The following NOS1AP variants were observed in gnomAD, a reference collection of about 807,000 sequenced individuals.
The protein encoded by NOS1AP is carboxyl-terminal PDZ ligand of neuronal nitric oxide synthase protein.
Under a neutral mutation model 56.2 loss-of-function variants are expected in NOS1AP, and 21 were observed. That is an observed-to-expected ratio of 0.37 (90% CI 0.26 to 0.54). NOS1AP has a LOEUF of 0.54. NOS1AP is among the 20% of genes least tolerant of loss of function. The pLI is 0.84. For missense variants in NOS1AP, 522 were observed against 657.8 expected, an observed-to-expected ratio of 0.79 and a Z score of 2.26; for synonymous variants, 270 against 274.6, an observed-to-expected ratio of 0.98 and a Z score of 0.17.
At chr1:162,092,464 T>C (rs1692157039) in intron 1 of NOS1AP, among the ~76,000 whole-genome samples, 1 of 152,192 alleles carries the variant, frequency 6.6e-6, no homozygotes, top group Non-Finnish European at 1.5e-5. Flanking sequence ...ATTGTTGACA[T>C]TTCCAAGAAA....
intron 3 of NOS1AP, among the ~76,000 whole-genome samples, chr1:162,292,486 G>A (rs1204810862): frequency 3.3e-5 from 5 of 152,192 alleles, no homozygotes; most frequent in African/African-American, 1.2e-4. Context: ...TGTCCTATTA[G>A]GTAGATACCA....
intron 2 of NOS1AP, among the ~76,000 whole-genome samples, chr1:162,286,288 G>A (rs973995438): frequency 9.2e-5 from 14 of 152,222 alleles, no homozygotes; most frequent in African/African-American, 3.4e-4. Flanking sequence ...CCAGGCTTGA[G>A]TGGCAACATG....
At chr1:162,247,723 A>G (rs970023868) in intron 2 of NOS1AP, among the ~76,000 whole-genome samples, 1 of 152,048 alleles carries the variant, frequency 6.6e-6, no homozygotes, top group African/African-American at 2.4e-5. Context: ...TTCCATACCT[A>G]CTGTGCCAGA....
At position 162,302,059 on chromosome 1, in the gene NOS1AP, A is replaced by T. The variant is rs532524520; in HGVS notation, c.344+1353A>T. On this transcript the variant is annotated intron_variant, in intron 4 of 9. Transcript: ENST00000361897. ...CTAGTGGGAAATGGACAAGTTACTG[A>T]GGTATAAGATAGTATGTCTGACAGA... 1.1e-4 allele frequency among the ~76,000 whole-genome samples: 16 copies of T among 152,340 alleles called. No homozygotes were observed. The South Asian group carries it at 3.3e-3, about 32-fold the overall frequency.
At chr1:162,144,869 A>G (rs751437129) in intron 1 of NOS1AP, among the ~76,000 whole-genome samples, 9 of 152,222 alleles carry the variant, frequency 5.9e-5, no homozygotes, top group Non-Finnish European at 8.8e-5. Context: ...GCTTTTGCTA[A>G]TGGAGACTAA....
chr1:162,186,498 C>T lies in NOS1AP; in HGVS notation c.177+32022C>T, dbSNP rs529436650. On this transcript the variant is annotated intron_variant, in intron 2 of 9. Transcript: ENST00000361897. ...TAAGTATTTTGGTACACATCTTCTT[C>T]GGGTGGACTGAGTGTGTCTCCCCCA... 4.6e-5 allele frequency among the ~76,000 whole-genome samples: 7 copies of T among 152,280 alleles called. No individual in the cohort carries two copies. In the East Asian group the frequency reaches 7.7e-4, roughly 17 times the overall value.
At chr1:162,332,653 T>C (rs1353891921) in intron 4 of NOS1AP, among the ~76,000 whole-genome samples, 1 of 152,204 alleles carries the variant, frequency 6.6e-6, no homozygotes, top group Non-Finnish European at 1.5e-5. Context: ...TCAGAAAACG[T>C]GTATGCATCT....
intron 2 of NOS1AP, among the ~76,000 whole-genome samples, chr1:162,168,593 G>A (rs1048221718): frequency 7.2e-5 from 11 of 151,970 alleles, no homozygotes; most frequent in East Asian, 3.9e-4. Context: ...AAATCCACGC[G>A]CAATTGATGC....
intron 1 of NOS1AP, among the ~76,000 whole-genome samples, chr1:162,094,064 C>T (rs1311484216): frequency 1.3e-5 from 2 of 152,190 alleles, no homozygotes; most frequent in African/African-American, 4.8e-5. Context: ...CTTTCCTAGC[C>T]TTTCTTGAAA....
chr1:162,191,813 A>C (rs1015137602), intron 2 of NOS1AP, among the ~76,000 whole-genome samples: 1 of 152,182 alleles, frequency 6.6e-6, no homozygotes, highest in African/African-American at 2.4e-5. Context: ...TAATAATGTC[A>C]TTGAAATCAC....
rs540445888 is a variant in NOS1AP, at chr1:162,180,729, C to T, written c.177+26253C>T. On this transcript the variant is annotated intron_variant, in intron 2 of 9. Transcript: ENST00000361897. ...GGGAACTCAGTTCTGCCAACGACAA[C>T]GTGAGCTTGGGAGATGACCCATGAG... 1.4e-4 allele frequency among the ~76,000 whole-genome samples: 21 copies of T among 152,226 alleles called. 3 individuals are homozygous for T. Among genetic ancestry groups the T allele is most frequent in the African/African-American group, 4.8e-4 (20 of 41,540 alleles).
chr1:162,096,386 A>G (rs75297987), intron 1 of NOS1AP, among the ~76,000 whole-genome samples: 2,303 of 152,334 alleles, frequency 0.015, 27 homozygotes, highest in Non-Finnish European at 0.023. Context: ...TTGAACCACC[A>G]TCAGGCCTCT....
In NOS1AP at chr1:162,367,366, G is replaced by C; in HGVS notation, c.1420G>C (p.Glu474Gln). 1 of 1,611,372 alleles carries C rather than the reference G, an allele frequency of 6.2e-7. No homozygotes were observed. Among genetic ancestry groups the C allele is most frequent in the Non-Finnish European group, 8.5e-7 (1 of 1,178,990 alleles). Residue 474 changes from glutamate (E) to glutamine (Q), a missense_variant, in exon 10 of 10, where the codon GAG (glutamate) becomes CAG (glutamine). Physicochemically the swap from Glu to Gln is conservative, Grantham distance 29 (BLOSUM62 2). This residue lies in a region of NOS1AP where 160 missense variants were observed against 180.3 expected (regional missense o/e 0.89). Coordinates refer to ENST00000361897, the MANE Select transcript of NOS1AP (RefSeq NM_014697.3). The surrounding 1 kb of genome is among the most constrained non-coding windows in gnomAD (Gnocchi z 6.5). ...SEYESNTDESEERDSWSQEEL... is the reference protein window; with the variant it reads ...SEYESNTDESQERDSWSQEEL... ...GTACGAGTCCAACACGGACGAGAGC[G>C]AGGAGCGCGACTCGTGGTCCCAGGA...
At chr1:162,090,961 G>A (rs1692115031) in intron 1 of NOS1AP, among the ~76,000 whole-genome samples, 1 of 151,982 alleles carries the variant, frequency 6.6e-6, no homozygotes, top group Admixed American at 6.6e-5. Context: ...TTACTTTTCT[G>A]TTGTTAATTT....
intron 1 of NOS1AP, among the ~76,000 whole-genome samples, chr1:162,127,194 T>C (rs888059339): frequency 7.9e-5 from 12 of 152,196 alleles, no homozygotes; most frequent in Admixed American, 2.6e-4. Flanking sequence ...TGATATGTTG[T>C]AAGCTTTTTT....
chr1:162,297,008 G>A (rs903105362), intron 3 of NOS1AP, among the ~76,000 whole-genome samples: 3 of 152,184 alleles, frequency 2.0e-5, no homozygotes, highest in Non-Finnish European at 4.4e-5. Context: ...CTCAATGATT[G>A]GGTGATTTAA....
intron 1 of NOS1AP, among the ~76,000 whole-genome samples, chr1:162,100,593 C>G (rs957324253): frequency 6.6e-6 from 1 of 151,876 alleles, no homozygotes; most frequent in Non-Finnish European, 1.5e-5. Flanking sequence ...TGCCTGTTCA[C>G]TCTGATGGTA....
At chr1:162,283,491 T>C (rs555729152) in intron 2 of NOS1AP, among the ~76,000 whole-genome samples, 4 of 152,150 alleles carry the variant, frequency 2.6e-5, no homozygotes, top group African/African-American at 7.2e-5. Context: ...AGCACTGGGG[T>C]GTCAGGAGAT....
chr1:162,352,212 A>T (rs1470448339), intron 6 of NOS1AP, among the ~76,000 whole-genome samples: 1 of 152,014 alleles, frequency 6.6e-6, no homozygotes, highest in East Asian at 1.9e-4. Flanking sequence ...GGCATGTACC[A>T]CCATGCCCAG....
Sources: gnomAD v4.1 joint callset for allele counts (sites outside exome capture counted in the v4.1 genomes callset) on GRCh38, gnomAD v4.1.1 for gene constraint, gnomAD v4.1.1 regional missense constraint, Gnocchi (gnomAD v3.1) non-coding constraint, MANE v1.5 for transcripts, NCBI Gene and HGNC (gene_info 2026-07-23, HGNC 2026-07-21) for gene names.